GIGYF2: variants seen among roughly 807,000 people sequenced by gnomAD.
The protein encoded by GIGYF2 is GRB10-interacting GYF protein 2.
GIGYF2 carries 25 observed loss-of-function variants against 208.1 expected under a neutral mutation model. The ratio of observed to expected loss-of-function variants is 0.12; its 90% confidence interval spans 0.09 to 0.17. The LOEUF (loss-of-function observed/expected upper bound fraction) is 0.17. GIGYF2 is among the 10% of genes least tolerant of loss of function. GIGYF2 has a pLI of 1.00. For missense variants in GIGYF2, 1,302 were observed against 1,579.4 expected, an observed-to-expected ratio of 0.82 and a Z score of 2.98; for synonymous variants, 534 against 543.8, an observed-to-expected ratio of 0.98 and a Z score of 0.25.
intron 14 of GIGYF2, 97 bp downstream of exon 14, chr2:232,796,318 A>G: frequency 1.2e-6 from 1 of 856,052 alleles, no homozygotes; most frequent in Non-Finnish European, 2.0e-6. Flanking sequence ...TAGTAGAAAA[A>G]GAAGTCAACA....
At chr2:232,726,182 C>T (rs926562656) in intron 2 of GIGYF2, among the ~76,000 whole-genome samples, 2 of 152,060 alleles carry the variant, frequency 1.3e-5, no homozygotes, top group African/African-American at 2.4e-5. Flanking sequence ...CTGGCCTGGC[C>T]AATATGCAAA....
rs192688643 is a variant in GIGYF2, at chr2:232,749,103, C to A, written c.267+21C>A. The A allele has an allele frequency of 6.4e-4, 738 of 1,144,420 alleles. 8 individuals carry two copies. The East Asian group carries it at 0.017, about 26-fold the overall frequency. The allele number at this position is 1,144,420 out of a possible 1,614,324, so 70.9% of individuals were successfully genotyped here. On this transcript the variant is annotated intron_variant, in intron 5 of 28. Transcript: ENST00000373563. ...AACAGGTTTGTGATTAGCTCTGAGC[C>A]CCAGCAAACTCTTATTCTTTTCCTG... is the stretch of plus-strand genomic sequence containing the variant.
At chr2:232,705,120 A>G (rs1230333339) in intron 2 of GIGYF2, among the ~76,000 whole-genome samples, 2 of 151,898 alleles carry the variant, frequency 1.3e-5, no homozygotes, top group African/African-American at 2.4e-5. Flanking sequence ...CGGCCTCCCA[A>G]AGTGCTGGGA....
At chr2:232,831,873 C>T (rs955487090) in intron 21 of GIGYF2, among the ~76,000 whole-genome samples, 5 of 152,186 alleles carry the variant, frequency 3.3e-5, no homozygotes, top group Non-Finnish European at 5.9e-5. Context: ...TTAGAGGTCT[C>T]CCAGTAGACA....
intron 2 of GIGYF2, among the ~76,000 whole-genome samples, chr2:232,723,727 CT>C (rs142680480): frequency 2.3e-4 from 15 of 65,508 alleles, no homozygotes; most frequent in African/African-American, 3.2e-4. Flanking sequence ...TGTGCCCGGC[CT>C]TTTTTTTTTT....
chr2:232,760,398 C>A (rs780926979), intron 6 of GIGYF2, 82 bp from the exon 7 acceptor site: 6 of 890,728 alleles, frequency 6.7e-6, no homozygotes, highest in Non-Finnish European at 1.1e-5. Context: ...AGAGATAGAA[C>A]TTTAGATATT....
At chr2:232,698,731 G>T (rs1203755734) in intron 1 of GIGYF2, among the ~76,000 whole-genome samples, 2 of 152,172 alleles carry the variant, frequency 1.3e-5, no homozygotes, top group Non-Finnish European at 2.9e-5. Context: ...AAAGTGGCAC[G>T]TAACTGGAAA....
At chr2:232,709,670 G>A (rs538160038) in intron 2 of GIGYF2, among the ~76,000 whole-genome samples, 1 of 152,028 alleles carries the variant, frequency 6.6e-6, no homozygotes, top group South Asian at 2.1e-4. Context: ...TTAGCCGGGT[G>A]TGGTGGTGCG....
intron 14 of GIGYF2, among the ~76,000 whole-genome samples, chr2:232,802,626 A>G (rs1385625492): frequency 6.6e-6 from 1 of 152,052 alleles, no homozygotes; most frequent in Non-Finnish European, 1.5e-5. Flanking sequence ...TTTTTAATAT[A>G]TTGCTGAATT....
intron 3 of GIGYF2, among the ~76,000 whole-genome samples, chr2:232,739,531 T>A (rs1033262920): frequency 6.8e-6 from 1 of 147,392 alleles, no homozygotes; most frequent in Non-Finnish European, 1.5e-5. Flanking sequence ...AAAAAAAAAT[T>A]AGCTGGGCGT....
intron 8 of GIGYF2, chr2:232,768,754 C>T: frequency 1.9e-6 from 3 of 1,599,562 alleles, no homozygotes; most frequent in Non-Finnish European, 2.6e-6. Flanking sequence ...ACTGCTGTGT[C>T]AGTAAAGCGA....
At chr2:232,817,104 T>G (rs1700939247) in intron 20 of GIGYF2, 72 bp downstream of exon 20, 1 of 1,117,072 alleles carries the variant, frequency 9.0e-7, no homozygotes, top group South Asian at 1.2e-5. Context: ...CTTTCATCAT[T>G]TCACAGATAC....
intron 21 of GIGYF2, among the ~76,000 whole-genome samples, chr2:232,824,274 G>A (rs2106400189): frequency 6.6e-6 from 1 of 152,332 alleles, no homozygotes; most frequent in African/African-American, 2.4e-5. Flanking sequence ...GCTTAGTGAG[G>A]AAGGCATGTC....
At chr2:232,739,364 C>CCG (rs1559395322) in intron 3 of GIGYF2, among the ~76,000 whole-genome samples, 3 of 60,134 alleles carry the variant, frequency 5.0e-5, no homozygotes, top group African/African-American at 2.1e-4. Context: ...AAAGCAAACC[C>CCG]CCCCCCCCCC....
intron 8 of GIGYF2, among the ~76,000 whole-genome samples, chr2:232,784,429 A>G (rs367968431): frequency 1.3e-4 from 14 of 108,518 alleles, no homozygotes; most frequent in South Asian, 6.2e-4. Context: ...TTGCTCTGTC[A>G]CCCAGGCTGG....
intron 3 of GIGYF2, among the ~76,000 whole-genome samples, chr2:232,740,779 A>G (rs1159613544): frequency 6.6e-6 from 1 of 152,186 alleles, no homozygotes; most frequent in African/African-American, 2.4e-5. Flanking sequence ...ATCGATAATT[A>G]TGGGATTATG....
chr2:232,718,287 A>T (rs1696784242), intron 2 of GIGYF2, among the ~76,000 whole-genome samples: 1 of 152,062 alleles, frequency 6.6e-6, no homozygotes, highest in South Asian at 2.1e-4. Flanking sequence ...AAGTAGAGAC[A>T]GGGTTTCACC....
chr2:232,790,939 A>G, intron 10 of GIGYF2, 24 bp downstream of exon 10: 3 of 1,611,558 alleles, frequency 1.9e-6, no homozygotes, highest in Non-Finnish European at 2.5e-6. Context: ...TTTAAATGTC[A>G]TGACCAGCAT....
At chr2:232,828,713 A>G (rs1194701759) in intron 21 of GIGYF2, 1 of 152,202 alleles carries the variant, frequency 6.6e-6, no homozygotes, top group African/African-American at 2.4e-5. Context: ...CACTGAAGTT[A>G]GTATACAACC....
Sources: gnomAD v4.1 joint callset for allele counts (sites outside exome capture counted in the v4.1 genomes callset) on GRCh38, gnomAD v4.1.1 for gene constraint, MANE v1.5 for transcripts, NCBI Gene and HGNC (gene_info 2026-07-23, HGNC 2026-07-21) for gene names.